TENM3: variants seen among roughly 807,000 people sequenced by gnomAD.
TENM3 encodes teneurin-3.
TENM3 carries 63 observed loss-of-function variants against 255.1 expected under a neutral mutation model. The observed-to-expected ratio is 0.25, with a 90% CI of 0.20 to 0.30. The LOEUF is 0.30. TENM3 is among the 10% of genes least tolerant of loss of function. The pLI, the probability that TENM3 is intolerant of heterozygous loss-of-function variation, is 1.00. For missense variants in TENM3, 2,929 were observed against 3,461.1 expected (o/e 0.85, Z 3.86); for synonymous variants, 1,306 against 1,322.3 (o/e 0.99, Z 0.27).
chr4:181,497,018 G>A, the TENM3 span, among the ~76,000 whole-genome samples: 1 of 152,056 alleles, frequency 6.6e-6, no homozygotes, highest in Non-Finnish European at 1.5e-5. Context: ...CACACCCACT[G>A]AAATGTTACA....
intron 24 of TENM3, among the ~76,000 whole-genome samples, chr4:182,784,924 G>A (rs1765508396): frequency 6.6e-6 from 1 of 152,128 alleles, no homozygotes; most frequent in Non-Finnish European, 1.5e-5. Flanking sequence ...CGCGCACGGT[G>A]CGCGCACCCA....
the TENM3 span, among the ~76,000 whole-genome samples, chr4:182,108,745 AC>A: frequency 6.6e-6 from 1 of 152,308 alleles, no homozygotes; most frequent in South Asian, 2.1e-4. Context: ...ATAACTACTC[AC>A]AAAACTCAAA....
chr4:182,364,437 G>C (rs1256025448), intron 3 of TENM3, among the ~76,000 whole-genome samples: 1 of 151,736 alleles, frequency 6.6e-6, no homozygotes, highest in East Asian at 1.9e-4. Context: ...GTTTTTTTGA[G>C]ACGGAGTCTC....
chr4:181,889,711 G>C, the TENM3 span, among the ~76,000 whole-genome samples: 3 of 152,146 alleles, frequency 2.0e-5, no homozygotes, highest in Non-Finnish European at 4.4e-5. Context: ...TTGGAACTGT[G>C]CCTTCCATTG....
chr4:181,562,543 C>T, the TENM3 span, among the ~76,000 whole-genome samples: 3 of 152,250 alleles, frequency 2.0e-5, no homozygotes, highest in South Asian at 4.1e-4. Context: ...TATTTTCCAT[C>T]ATGTTGCTTC....
At chr4:181,487,969 A>G in the TENM3 span, among the ~76,000 whole-genome samples, 1 of 152,254 alleles carries the variant, frequency 6.6e-6, no homozygotes, top group Non-Finnish European at 1.5e-5. Flanking sequence ...CCTGAAAGTC[A>G]TGAAAAATGT....
At chr4:181,601,015 G>T in the TENM3 span, among the ~76,000 whole-genome samples, 2 of 152,094 alleles carry the variant, frequency 1.3e-5, no homozygotes, top group Non-Finnish European at 1.5e-5. Flanking sequence ...TTTGAGATTT[G>T]CAGCTTCCTC....
the TENM3 span, among the ~76,000 whole-genome samples, chr4:181,751,133 G>A: frequency 1.3e-5 from 2 of 152,040 alleles, no homozygotes; most frequent in African/African-American, 4.8e-5. Context: ...TATGTTTACT[G>A]GGATACATTA....
chr4:181,902,298 C>T, the TENM3 span, among the ~76,000 whole-genome samples: 13 of 152,030 alleles, frequency 8.6e-5, no homozygotes, highest in Admixed American at 3.9e-4. Context: ...TCTCCCATTC[C>T]GTAGGTTGCT....
At chr4:181,741,047 C>T in the TENM3 span, among the ~76,000 whole-genome samples, 1 of 152,056 alleles carries the variant, frequency 6.6e-6, no homozygotes, top group Admixed American at 6.6e-5. Flanking sequence ...ATATAAAATG[C>T]TTTTAGCATC....
chr4:182,161,297 T>TC (rs1383055293), intron 1 of TENM3, among the ~76,000 whole-genome samples: 11 of 134,968 alleles, frequency 8.2e-5, no homozygotes, highest in African/African-American at 3.1e-4. Flanking sequence ...GCGCCTGTAG[T>TC]CCCAGCTACT....
At chr4:181,577,177 TATATTATATA>T in the TENM3 span, among the ~76,000 whole-genome samples, 1 of 129,756 alleles carries the variant, frequency 7.7e-6, no homozygotes, top group South Asian at 2.2e-4. Context: ...TATATTATAT[TATATTATATA>T]TTATATATAT....
intron 3 of TENM3, among the ~76,000 whole-genome samples, chr4:182,438,552 C>T (rs1772217293): frequency 6.6e-6 from 1 of 152,060 alleles, no homozygotes; most frequent in Non-Finnish European, 1.5e-5. Flanking sequence ...TTAGAAAATT[C>T]CTCATTCTAG....
chr4:182,162,833 C>G (rs1490533750), intron 1 of TENM3, among the ~76,000 whole-genome samples: 1 of 152,196 alleles, frequency 6.6e-6, no homozygotes, highest in Non-Finnish European at 1.5e-5. Flanking sequence ...CTAATTCCAT[C>G]CATGAGAGCA....
At chr4:182,257,196 C>T (rs1323141489) in intron 1 of TENM3, among the ~76,000 whole-genome samples, 6 of 152,188 alleles carry the variant, frequency 3.9e-5, no homozygotes. Flanking sequence ...GCATTTCTAA[C>T]AAGTTCTTAG....
the TENM3 span, among the ~76,000 whole-genome samples, chr4:181,934,905 G>A: frequency 6.6e-6 from 1 of 152,138 alleles, no homozygotes; most frequent in Non-Finnish European, 1.5e-5. Flanking sequence ...ATTGTTTTAA[G>A]TTGATATGAT....
chr4:182,385,562 G>A (rs1767864072), intron 3 of TENM3, among the ~76,000 whole-genome samples: 1 of 152,160 alleles, frequency 6.6e-6, no homozygotes, highest in Non-Finnish European at 1.5e-5. Flanking sequence ...ACCGCGCCCA[G>A]CCAGTGCATC....
the TENM3 span, among the ~76,000 whole-genome samples, chr4:181,802,336 TAAAGATTTTGCCATAACTTTTCACTCAA>T: frequency 6.6e-6 from 1 of 152,200 alleles, no homozygotes; most frequent in Non-Finnish European, 1.5e-5. Flanking sequence ...TCACAGGATA[TAAAGATTTTGCCATAACTTTTCACTCAA>T]TGGAATCCGC....
intron 3 of TENM3, among the ~76,000 whole-genome samples, chr4:182,538,420 C>T (rs114073912): frequency 0.011 from 1,663 of 151,872 alleles, 29 homozygotes; most frequent in African/African-American, 0.038. Context: ...TACCTGGGGA[C>T]GGAGGAAGGA....
Sources: gnomAD v4.1 joint callset for allele counts (sites outside exome capture counted in the v4.1 genomes callset) on GRCh38, gnomAD v4.1.1 for gene constraint, MANE v1.5 for transcripts, NCBI Gene and HGNC (gene_info 2026-07-23, HGNC 2026-07-21) for gene names.